The following RUNDC3B variants were observed in gnomAD, a reference collection of about 807,000 sequenced individuals.
RUNDC3B encodes RUN domain containing 3B.
A neutral mutation model predicts 58.4 loss-of-function variants in RUNDC3B; 33 were observed. The observed-to-expected ratio is 0.56, with a 90% CI of 0.43 to 0.75. The LOEUF is 0.75. Among genes scored for constraint, RUNDC3B ranks in the 30% least tolerant of loss-of-function variants. The pLI is 0.00. For missense variants in RUNDC3B, 501 were observed against 535.7 expected (o/e 0.94, Z 0.64); for synonymous variants, 193 against 195.2 (o/e 0.99, Z 0.10).
intron 2 of RUNDC3B, among the ~76,000 whole-genome samples, chr7:87,688,198 T>A (rs928912426): frequency 2.6e-5 from 4 of 152,098 alleles, no homozygotes; most frequent in African/African-American, 9.7e-5. Context: ...ATCGTATTCA[T>A]GTAATTCTCG....
chr7:87,769,530 A>G (rs1834157543), intron 6 of RUNDC3B, among the ~76,000 whole-genome samples: 1 of 152,144 alleles, frequency 6.6e-6, no homozygotes, highest in Admixed American at 6.5e-5. Context: ...CTCTCAAGGT[A>G]ATACAGACTA....
chr7:87,777,432 G>A (rs1834696304), intron 7 of RUNDC3B, among the ~76,000 whole-genome samples: 1 of 152,208 alleles, frequency 6.6e-6, no homozygotes, highest in South Asian at 2.1e-4. Flanking sequence ...AAATGTTAAT[G>A]TCTATGTGTT....
chr7:87,653,359 A>C (rs548046288), intron 2 of RUNDC3B, among the ~76,000 whole-genome samples: 44 of 152,256 alleles, frequency 2.9e-4, no homozygotes, highest in African/African-American at 1.1e-3. Flanking sequence ...GAAGTTAGGC[A>C]TTTTGCCTGC....
chr7:87,652,646 A>ATAT (rs1563105075), intron 2 of RUNDC3B, among the ~76,000 whole-genome samples: 2 of 147,178 alleles, frequency 1.4e-5, no homozygotes, highest in Admixed American at 6.8e-5. Context: ...ATATATATAT[A>ATAT]GTAGGAAGTA....
chr7:87,748,651 A>G lies in RUNDC3B; in HGVS notation c.629+7072A>G, dbSNP rs140925757. On this transcript the variant is annotated intron_variant, in intron 6 of 10. Transcript: ENST00000394654. ...CATTTATTGAGTGCCTAACCATAGG[A>G]CAAAAATTTTCCTAGATGCCAGGGA... 5.3e-5 allele frequency among the ~76,000 whole-genome samples: 8 copies of G among 152,316 alleles called. No individual in the cohort carries two copies. In the East Asian group the frequency reaches 1.2e-3, roughly 22 times the overall value.
chr7:87,715,457 A>G (rs1563158263), intron 4 of RUNDC3B, among the ~76,000 whole-genome samples: 1 of 117,974 alleles, frequency 8.5e-6, no homozygotes, highest in Non-Finnish European at 1.9e-5. Context: ...ATATAATTAT[A>G]TTATATTAAT....
At chr7:87,694,760 A>G (rs1231480386) in intron 2 of RUNDC3B, among the ~76,000 whole-genome samples, 2 of 149,104 alleles carry the variant, frequency 1.3e-5, no homozygotes, top group East Asian at 3.8e-4. Context: ...GGTGGAAGGG[A>G]AAAAACAAAA....
At chr7:87,716,262 C>T (rs1385065880) in intron 4 of RUNDC3B, among the ~76,000 whole-genome samples, 1 of 152,038 alleles carries the variant, frequency 6.6e-6, no homozygotes, top group Non-Finnish European at 1.5e-5. Flanking sequence ...TTGGAGCCAA[C>T]GTAAAATGGT....
At chr7:87,821,874 T>C (rs1837464845) in intron 10 of RUNDC3B, among the ~76,000 whole-genome samples, 2 of 152,130 alleles carry the variant, frequency 1.3e-5, no homozygotes, top group Admixed American at 6.6e-5. Flanking sequence ...TCCTTACACC[T>C]TATACAAAAA....
At position 87,648,053 on chromosome 7, in the gene RUNDC3B, T is replaced by C. The variant is rs943838584; in HGVS notation, c.123-2769T>C. 2.0e-5 allele frequency among the ~76,000 whole-genome samples: 3 copies of C among 151,120 alleles called. No homozygotes were observed. The South Asian group carries it at 6.3e-4, about 32-fold the overall frequency. ...ACAAAAAATTAGCCGGGCTTGGTGG[T>C]GGGCGCCTGTAGTCCCAGCTACTCA... On this transcript the variant is annotated intron_variant, in intron 1 of 10. Transcript: ENST00000394654.
chr7:87,714,560 A>G (rs1830374184), intron 4 of RUNDC3B, among the ~76,000 whole-genome samples: 1 of 152,342 alleles, frequency 6.6e-6, no homozygotes, highest in South Asian at 2.1e-4. Flanking sequence ...CAATCTTTCC[A>G]TAACCTATGA....
chr7:87,802,373 C>T (rs117267703), intron 8 of RUNDC3B, among the ~76,000 whole-genome samples: 4,518 of 151,568 alleles, frequency 0.03, 64 homozygotes, highest in Middle Eastern at 0.048. Context: ...CCAGCCTGGG[C>T]GACAGAGCAA....
intron 2 of RUNDC3B, 31 bp downstream of exon 2, chr7:87,650,968 C>T (rs1264477067): frequency 8.0e-7 from 1 of 1,253,168 alleles, no homozygotes; most frequent in Admixed American, 1.7e-5. Context: ...TTTATTTTCC[C>T]ACCAGCTGTC....
intron 6 of RUNDC3B, among the ~76,000 whole-genome samples, chr7:87,758,681 A>G (rs1584124781): frequency 6.6e-6 from 1 of 152,326 alleles, no homozygotes; most frequent in Non-Finnish European, 1.5e-5. Context: ...CTAAATGGAC[A>G]TTTCTCAAGA....
At chr7:87,782,467 G>A (rs1292441960) in intron 8 of RUNDC3B, among the ~76,000 whole-genome samples, 1 of 151,724 alleles carries the variant, frequency 6.6e-6, no homozygotes, top group African/African-American at 2.4e-5. Flanking sequence ...TCTCAGTTTT[G>A]TTCAGTTCTG....
intron 7 of RUNDC3B, among the ~76,000 whole-genome samples, chr7:87,775,019 C>G (rs1448507707): frequency 6.6e-6 from 1 of 152,192 alleles, no homozygotes; most frequent in Non-Finnish European, 1.5e-5. Context: ...TACGTATTTA[C>G]TATACAGTAC....
intron 10 of RUNDC3B, among the ~76,000 whole-genome samples, chr7:87,820,585 A>G (rs1375604487): frequency 6.6e-6 from 1 of 152,106 alleles, no homozygotes; most frequent in Non-Finnish European, 1.5e-5. Flanking sequence ...GACACAACCA[A>G]AAAAGAGAAT....
chr7:87,699,457 G>A (rs1292664498), intron 2 of RUNDC3B, among the ~76,000 whole-genome samples: 1 of 152,082 alleles, frequency 6.6e-6, no homozygotes, highest in African/African-American at 2.4e-5. Context: ...AGGCTGGGGT[G>A]CAGTGGCTCA....
At chr7:87,645,454 A>G (rs886821893) in intron 1 of RUNDC3B, among the ~76,000 whole-genome samples, 6 of 152,174 alleles carry the variant, frequency 3.9e-5, no homozygotes, top group African/African-American at 1.4e-4. Context: ...ATCTTTTTAA[A>G]TAGAGACATT....
Sources: allele counts gnomAD v4.1 joint callset (sites outside exome capture counted in the v4.1 genomes callset), GRCh38; gene constraint gnomAD v4.1.1; transcripts MANE v1.5; gene names NCBI Gene and HGNC (gene_info 2026-07-23, HGNC 2026-07-21).